NEXN: variants seen among roughly 807,000 people sequenced by gnomAD.
The protein encoded by NEXN is nexilin.
NEXN carries 65 observed loss-of-function variants against 92.6 expected under a neutral mutation model. That is an observed-to-expected ratio of 0.70 (90% CI 0.57 to 0.86). NEXN has a LOEUF of 0.86. Among genes scored for constraint, NEXN ranks in the 40% least tolerant of loss-of-function variants. The probability of loss-of-function intolerance (pLI) is 0.00; values close to 1 mark genes in which losing one functional copy is unlikely to be tolerated. For synonymous variants in NEXN, 254 were observed against 242.5 expected (o/e 1.05, Z -0.44); for missense variants, 778 against 771.1 (o/e 1.01, Z -0.11).
At chr1:77,894,411 TTTG>T (rs1647175626) in intron 1 of NEXN, among the ~76,000 whole-genome samples, 1 of 152,174 alleles carries the variant, frequency 6.6e-6, no homozygotes, top group East Asian at 1.9e-4. Context: ...ATTATTATTT[TTTG>T]GACATTTTAT....
chr1:77,899,714 G>T (rs1421378770), intron 1 of NEXN, among the ~76,000 whole-genome samples: 1 of 151,446 alleles, frequency 6.6e-6, no homozygotes, highest in Non-Finnish European at 1.5e-5. Context: ...ATTTAATCAA[G>T]ACAGGGACTT....
At chr1:77,928,223 A>T (rs1292345344) in intron 8 of NEXN, among the ~76,000 whole-genome samples, 3 of 150,990 alleles carry the variant, frequency 2.0e-5, no homozygotes, top group Non-Finnish European at 4.4e-5. Context: ...AGGCGAGAGG[A>T]TTGCTTGAGC....
intron 5 of NEXN, among the ~76,000 whole-genome samples, chr1:77,919,701 G>A (rs1649266902): frequency 6.6e-6 from 1 of 151,444 alleles, no homozygotes; most frequent in South Asian, 2.1e-4. Flanking sequence ...CCAGGTTGAA[G>A]CGATTCTCCT....
intron 5 of NEXN, chr1:77,924,128 A>C (rs1037335103): frequency 2.4e-4 from 40 of 166,726 alleles, no homozygotes; most frequent in African/African-American, 9.6e-4. Flanking sequence ...TTGGGAGGCC[A>C]AGACACGCAG....
At chr1:77,919,205 C>T (rs1009318740) in intron 5 of NEXN, among the ~76,000 whole-genome samples, 2 of 152,106 alleles carry the variant, frequency 1.3e-5, no homozygotes, top group African/African-American at 4.8e-5. Context: ...ATGGGGGAAA[C>T]CACCCCCATC....
intron 1 of NEXN, among the ~76,000 whole-genome samples, chr1:77,897,130 A>C (rs1044357728): frequency 5.9e-5 from 9 of 152,370 alleles, no homozygotes; most frequent in African/African-American, 1.9e-4. Context: ...ATCAATAGGA[A>C]AAGAGGGACT....
At chr1:77,898,012 G>T (rs1647373214) in intron 1 of NEXN, among the ~76,000 whole-genome samples, 1 of 152,064 alleles carries the variant, frequency 6.6e-6, no homozygotes, top group African/African-American at 2.4e-5. Flanking sequence ...AATAAAAGAG[G>T]ATACAAACAA....
chr1:77,942,533 A>G lies in NEXN; in HGVS notation c.1732A>G (p.Arg578Gly), dbSNP rs769060674. The change falls in exon 13 of 13, where the codon AGA becomes GGA. Residue 578 changes from arginine (R) to glycine (G), a missense_variant. Physicochemically the swap from Arg to Gly is moderately radical, Grantham distance 125. Coordinates refer to ENST00000334785, the MANE Select transcript of NEXN (RefSeq NM_144573.4). ...GSTAEDEEQTRSGAPWFKKPL... is the reference protein window; with the variant it reads ...GSTAEDEEQTGSGAPWFKKPL... ...CACTGCTGAAGATGAAGAGCAAACC[A>G]GATCAGGAGCTCCATGGTTCAAGAA... The G allele has an allele frequency of 6.2e-7, 1 of 1,613,936 alleles. No individual in the cohort carries two copies. The highest frequency in any genetic ancestry group is 1.1e-5 in the South Asian group (1 of 91,068).
intron 1 of NEXN, among the ~76,000 whole-genome samples, chr1:77,901,186 A>G (rs1042837546): frequency 2.6e-5 from 4 of 152,100 alleles, no homozygotes; most frequent in African/African-American, 9.7e-5. Flanking sequence ...TCCTTTTCCA[A>G]CTACATATTA....
In NEXN at chr1:77,918,215, A is replaced by G; in HGVS notation, c.389A>G (p.Glu130Gly). Reference sequence around the variant, plus strand: ...GAGGAGGAACGAAAACGCAGAATTGAGCAGGATATGTTAGAAAAGAGGAAA... The same window carrying G: ...GAGGAGGAACGAAAACGCAGAATTGGGCAGGATATGTTAGAAAAGAGGAAA... ...RTEEERKRRI[E>G]QDMLEKRKIQ... is the part of the protein sequence containing the mutation. The change falls in exon 5 of 13, where the codon GAG (glutamate) becomes GGG (glycine). Residue 130 changes from glutamate (E) to glycine (G), a missense_variant. Transcript: ENST00000334785. 2 of 1,614,174 alleles carry G rather than the reference A, an allele frequency of 1.2e-6. No homozygotes were observed. Among genetic ancestry groups the G allele is most frequent in the Non-Finnish European group, 1.7e-6 (2 of 1,180,004 alleles).
At position 77,917,929 on chromosome 1, in the gene NEXN, T is replaced by G. The variant is rs1228694005; in HGVS notation, c.220-31T>G. The G allele has an allele frequency of 1.9e-6, 3 of 1,572,518 alleles. No individual in the cohort carries two copies. In the East Asian group the frequency reaches 6.7e-5, roughly 35 times the overall value. Reference sequence around the variant, plus strand: ...TGTGATTTAGTCTAATTTTTGGACATGTGCTCACATTAATTTATTTAACCA... The same window carrying G: ...TGTGATTTAGTCTAATTTTTGGACAGGTGCTCACATTAATTTATTTAACCA... On this transcript the variant is annotated intron_variant, in intron 3 of 12. Coordinates refer to ENST00000334785, the MANE Select transcript of NEXN (RefSeq NM_144573.4).
chr1:77,933,505 T>G (rs771888758), intron 10 of NEXN, 26 bp downstream of exon 10: 1 of 1,452,124 alleles, frequency 6.9e-7, no homozygotes, highest in East Asian at 2.3e-5. Context: ...ATATCTATAT[T>G]CCCCATATTT....
intron 1 of NEXN, among the ~76,000 whole-genome samples, chr1:77,910,236 G>A (rs1044899872): frequency 6.6e-6 from 1 of 151,844 alleles, no homozygotes; most frequent in Non-Finnish European, 1.5e-5. Flanking sequence ...AACAGTGAAA[G>A]ACTGGACATA....
chr1:77,942,857 A>C lies in NEXN; in HGVS notation c.*28A>C, dbSNP rs1430345693. 1.9e-6 allele frequency: 3 copies of C among 1,559,566 alleles called. No homozygotes were observed. Among genetic ancestry groups the C allele is most frequent in the African/African-American group, 1.4e-5 (1 of 72,338 alleles). On this transcript the variant is annotated 3_prime_UTR_variant, in exon 13 of 13. Coordinates refer to ENST00000334785, the MANE Select transcript of NEXN (RefSeq NM_144573.4). ...ACTCTTTTTATCTTTTATTCTATTA[A>C]TTTTTTTTTCCTTAAAATCACTTTT...
rs1650461424 is a variant in NEXN, at chr1:77,933,328, A to G, written c.1100A>G (p.Glu367Gly). ...SPEMYKTISQEFLTPGKLEIN... is the reference protein window; with the variant it reads ...SPEMYKTISQGFLTPGKLEIN... The stretch of plus-strand genomic sequence containing the variant: ...GAGATGTATAAGACAATCTCTCAAG[A>G]ATTTCTTACACCGGGAAAACTGGAA... Residue 367 changes from glutamate (E) to glycine (G), a missense_variant, in exon 10 of 13, where the codon GAA (glutamate) becomes GGA (glycine). Transcript: ENST00000334785. The G allele has an allele frequency of 1.2e-6, 2 of 1,609,980 alleles. No homozygotes were observed. Among genetic ancestry groups the G allele is most frequent in the Non-Finnish European group, 8.5e-7 (1 of 1,177,314 alleles).
intron 9 of NEXN, among the ~76,000 whole-genome samples, chr1:77,931,051 C>T (rs1571145111): frequency 1.3e-5 from 2 of 151,962 alleles, no homozygotes; most frequent in Non-Finnish European, 1.5e-5. Context: ...GTCCTACAGA[C>T]GTTGTGAATG....
At chr1:77,895,710 C>T (rs1647221317) in intron 1 of NEXN, among the ~76,000 whole-genome samples, 1 of 151,956 alleles carries the variant, frequency 6.6e-6, no homozygotes, top group Non-Finnish European at 1.5e-5. Flanking sequence ...CTAAAAAATA[C>T]AAAAATTAGC....
chr1:77,927,588 CTG>C (rs1183971485), intron 8 of NEXN, among the ~76,000 whole-genome samples: 1 of 144,562 alleles, frequency 6.9e-6, no homozygotes, highest in African/African-American at 2.6e-5. Flanking sequence ...GTGCATGCCT[CTG>C]TGTGTGTGTG....
intron 1 of NEXN, among the ~76,000 whole-genome samples, chr1:77,900,499 T>C (rs1338802190): frequency 1.3e-5 from 2 of 152,208 alleles, no homozygotes; most frequent in African/African-American, 2.4e-5. Context: ...AGGCATACTT[T>C]TTGGCATACA....
Sources: allele counts gnomAD v4.1 joint callset (sites outside exome capture counted in the v4.1 genomes callset), GRCh38; gene constraint gnomAD v4.1.1; transcripts MANE v1.5; gene names NCBI Gene and HGNC (gene_info 2026-07-23, HGNC 2026-07-21).